The following DNAH10 variants were observed in gnomAD, a reference collection of about 807,000 sequenced individuals.
DNAH10 encodes the protein dynein axonemal heavy chain 10, also known as axonemal beta dynein heavy chain 10.
In DNAH10, 348 loss-of-function variants were observed where a neutral mutation model predicts 506.6. That is an observed-to-expected ratio of 0.69 (90% confidence interval 0.63 to 0.75). The LOEUF is 0.75. DNAH10 is among the 30% of genes least tolerant of loss of function. The probability of loss-of-function intolerance (pLI) is 0.00; values close to 1 mark genes in which losing one functional copy is unlikely to be tolerated. For synonymous variants in DNAH10, 2,059 were observed against 2,198.6 expected (o/e 0.94, Z 1.78); for missense variants, 5,179 against 5,787.1 (o/e 0.89, Z 3.41).
At chr12:123,918,249 G>A (rs1484123693) in intron 64 of DNAH10, among the ~76,000 whole-genome samples, 2 of 152,186 alleles carry the variant, frequency 1.3e-5, no homozygotes, top group African/African-American at 4.8e-5. Context: ...CGTCCTCTCG[G>A]GTCCAAACCC....
At chr12:123,811,184 T>TA (rs1364036526) in intron 19 of DNAH10, among the ~76,000 whole-genome samples, 1 of 152,244 alleles carries the variant, frequency 6.6e-6, no homozygotes, top group African/African-American at 2.4e-5. Context: ...TTACCTCCTC[T>TA]ACTAAGTGGA....
rs993434247 is a variant in DNAH10 at position 123,846,106 on chromosome 12, G to T, written c.5766G>T (p.Arg1922Ser). ...YGYEYMGLNG[R>S]LVITPLTDRI... ...ACGAGTACATGGGCCTGAACGGCAG[G>T]CTGGTCATCACGCCCCTCACCGATC... Residue 1922 changes from arginine to serine, a missense_variant, in exon 32 of 79, where the codon AGG becomes AGT. Physicochemically the swap from Arg to Ser is moderately radical, Grantham distance 110 (BLOSUM62 -1). Transcript: ENST00000673944. This position sits in a 1 kb window ranked among gnomAD's most constrained non-coding sequence, Gnocchi z 4.5. 2 of 1,613,810 alleles carry T rather than the reference G, an allele frequency of 1.2e-6. No homozygotes were observed. Among genetic ancestry groups the T allele is most frequent in the Non-Finnish European group, 1.7e-6 (2 of 1,179,900 alleles).
At chr12:123,782,687 C>T (rs1957708996) in intron 6 of DNAH10, among the ~76,000 whole-genome samples, 1 of 152,040 alleles carries the variant, frequency 6.6e-6, no homozygotes, top group African/African-American at 2.4e-5. Context: ...GTTGAGATTA[C>T]AGGTGTGAGC....
intron 41 of DNAH10, among the ~76,000 whole-genome samples, chr12:123,866,841 G>GA (rs1257474804): frequency 6.6e-6 from 1 of 152,218 alleles, no homozygotes; most frequent in East Asian, 1.9e-4. Flanking sequence ...GAAAAGTGCA[G>GA]AGATGGATGT....
chr12:123,827,205 A>G (rs1284031745), intron 25 of DNAH10, among the ~76,000 whole-genome samples: 1 of 152,222 alleles, frequency 6.6e-6, no homozygotes, highest in Non-Finnish European at 1.5e-5. Flanking sequence ...CATCCAGCAG[A>G]CATCAAACGG....
Position 123,926,438 on chromosome 12 carries a change from G to T in DNAH10, c.11922-199G>T, listed in dbSNP as rs749981213. 1.6e-5 allele frequency: 9 copies of T among 577,324 alleles called. No individual in the cohort carries two copies. The highest frequency in any genetic ancestry group is 2.6e-5 in the Non-Finnish European group (9 of 340,380). The allele number at this position is 577,324 out of a possible 1,614,324, so 35.8% of individuals were successfully genotyped here. On this transcript the variant is annotated intron_variant, in intron 68 of 78. Transcript: ENST00000673944. The surrounding 1 kb of genome is among the most constrained non-coding windows in gnomAD (Gnocchi z 4.1). ...TGTGAGGGGGTACAGAGAAGTCCCTGCCACTCAGGAGTTCCCCATCAGGGT... is the reference window on the plus strand; with the variant it reads ...TGTGAGGGGGTACAGAGAAGTCCCTTCCACTCAGGAGTTCCCCATCAGGGT...
rs893360478 is a variant in DNAH10 at position 123,924,024 on chromosome 12, C to G, written c.11611+157C>G. The G allele has an allele frequency of 5.5e-6, 4 of 733,930 alleles. No homozygotes were observed. The East Asian group carries it at 1.1e-4, about 20-fold the overall frequency. 45.5% of individuals were successfully genotyped at this position (733,930 alleles called of 1,614,324 possible). On this transcript the variant is annotated intron_variant, in intron 66 of 78. Transcript: ENST00000673944. The stretch of plus-strand genomic sequence containing the variant: ...CACTATTCCAGTTGATCATTCCAGC[C>G]TCAGAAATGGCTCTGGTTGAAATCG...
intron 25 of DNAH10, 78 bp from the exon 26 acceptor site, chr12:123,830,468 C>G: frequency 7.1e-7 from 1 of 1,403,396 alleles, no homozygotes; most frequent in Non-Finnish European, 9.6e-7. Context: ...GAGATTTGTC[C>G]TGTGATTTAA....
chr12:123,811,586 C>T (rs1241100348), intron 19 of DNAH10, among the ~76,000 whole-genome samples: 4 of 152,068 alleles, frequency 2.6e-5, no homozygotes, highest in Non-Finnish European at 4.4e-5. Flanking sequence ...CTGCAAGCTC[C>T]GCCTTCCGGG....
chr12:123,821,373 C>T (rs1011824950), intron 24 of DNAH10, among the ~76,000 whole-genome samples: 1 of 152,234 alleles, frequency 6.6e-6, no homozygotes, highest in African/African-American at 2.4e-5. Context: ...CTCTAACACC[C>T]AAGCTGGGGT....
At chr12:123,767,511 C>T in intron 1 of DNAH10, 95 bp from the exon 2 acceptor site, 1 of 1,224,222 alleles carries the variant, frequency 8.2e-7, no homozygotes, top group Non-Finnish European at 1.2e-6. Context: ...GGCCACATAC[C>T]AACCCCTTGG....
chr12:123,897,585 G>A (rs1953311890), intron 54 of DNAH10, among the ~76,000 whole-genome samples, 185 bp from the exon 55 acceptor site: 1 of 151,986 alleles, frequency 6.6e-6, no homozygotes, highest in South Asian at 2.1e-4. Flanking sequence ...AATTACCCAG[G>A]CATGGTGGCC....
intron 18 of DNAH10, among the ~76,000 whole-genome samples, chr12:123,807,427 G>A (rs2136312216): frequency 6.6e-6 from 1 of 152,316 alleles, no homozygotes; most frequent in Admixed American, 6.5e-5. Flanking sequence ...AGATGCTGCT[G>A]TAATTGGGTG....
intron 5 of DNAH10, among the ~76,000 whole-genome samples, chr12:123,775,087 T>C (rs915202743): frequency 6.6e-6 from 1 of 152,220 alleles, no homozygotes; most frequent in Non-Finnish European, 1.5e-5. Flanking sequence ...GGAATGGCCT[T>C]GCTGAGGATG....
At chr12:123,867,364 C>G (rs1951851896) in intron 41 of DNAH10, 103 bp from the exon 42 acceptor site, 2 of 1,256,058 alleles carry the variant, frequency 1.6e-6, no homozygotes, top group South Asian at 1.6e-5. Context: ...TATCATTCAT[C>G]AGAAGATGTT....
intron 27 of DNAH10, 63 bp downstream of exon 27, chr12:123,833,410 G>A: frequency 7.7e-7 from 1 of 1,306,256 alleles, no homozygotes; most frequent in Non-Finnish European, 1.1e-6. Context: ...TTTTATATGA[G>A]GATATTTTGT....
chr12:123,848,587 A>T, intron 33 of DNAH10, 143 bp from the exon 34 acceptor site: 1 of 1,177,096 alleles, frequency 8.5e-7, no homozygotes, highest in Non-Finnish European at 1.2e-6. Context: ...AGAAAAATCC[A>T]CTAGTCAAGT....
intron 54 of DNAH10, 85 bp downstream of exon 54, chr12:123,894,808 G>T: frequency 1.6e-6 from 2 of 1,249,296 alleles, no homozygotes; most frequent in Non-Finnish European, 2.3e-6. Flanking sequence ...TTCTGGTCTT[G>T]TAGATTTCTT....
At chr12:123,772,143 G>A (rs1957275511) in intron 3 of DNAH10, among the ~76,000 whole-genome samples, 1 of 152,118 alleles carries the variant, frequency 6.6e-6, no homozygotes, top group Admixed American at 6.5e-5. Flanking sequence ...CACAGGCATG[G>A]AGCATCCACG....
Sources: gnomAD v4.1 joint callset for allele counts (sites outside exome capture counted in the v4.1 genomes callset) on GRCh38, gnomAD v4.1.1 for gene constraint, Gnocchi (gnomAD v3.1) non-coding constraint, MANE v1.5 for transcripts, NCBI Gene and HGNC (gene_info 2026-07-23, HGNC 2026-07-21) for gene names.